Variants in PCDHA10 observed in about 807,000 individuals in gnomAD.
The protein encoded by PCDHA10 is protocadherin alpha 10, also known as protocadherin alpha-10.
Under a neutral mutation model 61.2 loss-of-function variants are expected in PCDHA10, and 45 were observed. The ratio of observed to expected loss-of-function variants is 0.74; its 90% CI spans 0.58 to 0.94. The LOEUF is 0.94. PCDHA10 is among the 40% of genes least tolerant of loss of function. The probability of loss-of-function intolerance (pLI) is 0.00; values close to 1 mark genes in which losing one functional copy is unlikely to be tolerated. For synonymous variants in PCDHA10, 602 were observed against 548.8 expected, an observed-to-expected ratio of 1.10 and a Z score of -1.35; for missense variants, 1,278 against 1,236.2, an observed-to-expected ratio of 1.03 and a Z score of -0.51.
At chr5:140,920,616 C>A (rs929240808) in intron 1 of PCDHA10, among the ~76,000 whole-genome samples, 1 of 152,012 alleles carries the variant, frequency 6.6e-6, no homozygotes, top group African/African-American at 2.4e-5. Flanking sequence ...GAGGCCGAGG[C>A]GGATGGATCA....
At chr5:140,971,682 T>C (rs782404162) in intron 1 of PCDHA10, among the ~76,000 whole-genome samples, 5 of 152,156 alleles carry the variant, frequency 3.3e-5, no homozygotes, top group Non-Finnish European at 4.4e-5. Flanking sequence ...AGTAAGGGAA[T>C]TTGTACTCAC....
chr5:140,862,840 C>A (rs1434718417), intron 1 of PCDHA10: 1 of 573,790 alleles, frequency 1.7e-6, no homozygotes, highest in Non-Finnish European at 3.3e-6. Flanking sequence ...CGCGGGCATG[C>A]CGCCTCTGAG....
chr5:140,856,856 G>A lies in PCDHA10; in HGVS notation c.808G>A (p.Glu270Lys). The A allele has an allele frequency of 6.3e-7, 1 of 1,594,396 alleles. No individual in the cohort carries two copies. Among genetic ancestry groups the A allele is most frequent in the Non-Finnish European group, 8.6e-7 (1 of 1,164,306 alleles). Reference protein sequence around the residue: ...VIRLNASDSDEGINKEMMYSF... With the variant: ...VIRLNASDSDKGINKEMMYSF... The stretch of plus-strand genomic sequence containing the variant: ...ACGGCTCAACGCTTCTGATTCGGAT[G>A]AAGGAATAAACAAGGAAATGATGTA... The change falls in exon 1 of 4, where the codon GAA (glutamate) becomes AAA (lysine). Residue 270 changes from glutamate (E) to lysine (K), a missense_variant. By Grantham distance (56) the Glu-to-Lys change is moderately conservative. Coordinates refer to ENST00000307360, the MANE Select transcript of PCDHA10 (RefSeq NM_018901.4).
At position 140,857,900 on chromosome 5, in the gene PCDHA10, C is replaced by A; in HGVS notation, c.1852C>A (p.Arg618Ser). The A allele has an allele frequency of 1.3e-6, 2 of 1,597,730 alleles. No homozygotes were observed. The highest frequency in any genetic ancestry group is 1.3e-5 in the African/African-American group (1 of 74,344). Reference sequence around the variant, plus strand: ...ATTGCAGTCGGCGGCGGTTGGTGCACGCATCCCGTTTCGCGTGGGGCTGTA... The same window carrying A: ...ATTGCAGTCGGCGGCGGTTGGTGCAAGCATCCCGTTTCGCGTGGGGCTGTA... ...YELQSAAVGARIPFRVGLYTG... is the reference protein window; with the variant it reads ...YELQSAAVGASIPFRVGLYTG... The change falls in exon 1 of 4, where the codon CGC (arginine) becomes AGC (serine). Residue 618 changes from arginine (R) to serine (S), a missense_variant. By Grantham distance (110) the Arg-to-Ser change is moderately radical. Coordinates refer to ENST00000307360, the MANE Select transcript of PCDHA10 (RefSeq NM_018901.4).
chr5:140,975,861 T>G (rs782026072), intron 1 of PCDHA10, among the ~76,000 whole-genome samples: 8 of 152,192 alleles, frequency 5.3e-5, no homozygotes, highest in Non-Finnish European at 8.8e-5. Flanking sequence ...ATCACCCATA[T>G]GGACTACCTA....
At chr5:140,926,979 G>A (rs782354889) in intron 1 of PCDHA10, 1 of 1,610,590 alleles carries the variant, frequency 6.2e-7, no homozygotes. Flanking sequence ...TGCCGGAGGA[G>A]ACGGAGCGGG....
At chr5:140,906,982 G>A (rs1298159889) in intron 1 of PCDHA10, among the ~76,000 whole-genome samples, 3 of 152,140 alleles carry the variant, frequency 2.0e-5, no homozygotes, top group African/African-American at 7.2e-5. Flanking sequence ...TCTTCTGGTG[G>A]CAGCATTCCT....
intron 1 of PCDHA10, among the ~76,000 whole-genome samples, chr5:140,914,884 CCTG>C (rs2153531970): frequency 6.6e-6 from 1 of 151,782 alleles, no homozygotes; most frequent in East Asian, 1.9e-4. Flanking sequence ...ACTGTATCCT[CCTG>C]CTTTTAACTT....
intron 1 of PCDHA10, chr5:140,882,849 T>A: frequency 1.2e-6 from 2 of 1,614,242 alleles, no homozygotes; most frequent in Non-Finnish European, 1.7e-6. Flanking sequence ...TCATTATCAC[T>A]TGTACTGAGG....
At chr5:140,967,371 A>C in intron 1 of PCDHA10, 1 of 1,607,094 alleles carries the variant, frequency 6.2e-7, no homozygotes, top group Non-Finnish European at 8.5e-7. Context: ...CCCCTGCAGG[A>C]GAACAGTAAA....
At chr5:140,982,679 C>A in intron 3 of PCDHA10, 116 bp downstream of exon 3, 2 of 1,436,546 alleles carry the variant, frequency 1.4e-6, no homozygotes, top group Non-Finnish European at 9.2e-7. Flanking sequence ...TTGTTATTCC[C>A]TTTTTTCCAT....
chr5:140,863,228 C>A, intron 1 of PCDHA10: 1 of 1,183,022 alleles, frequency 8.5e-7, no homozygotes, highest in Non-Finnish European at 1.2e-6. Flanking sequence ...AGGAAGGTCC[C>A]ATCGCGGGCT....
chr5:140,857,804 G>A lies in PCDHA10; in HGVS notation c.1756G>A (p.Ala586Thr). ...VSELVLRSVV[A>T]GHVVAKVRAV... ...TGAGCTGGTGCTGCGGTCGGTGGTT[G>A]CGGGTCACGTGGTGGCTAAGGTGCG... The change falls in exon 1 of 4, where the codon GCG becomes ACG. Residue 586 changes from alanine to threonine, a missense_variant. By Grantham distance (58) the Ala-to-Thr change is moderately conservative. Coordinates refer to ENST00000307360, the MANE Select transcript of PCDHA10 (RefSeq NM_018901.4). The A allele has an allele frequency of 6.3e-7, 1 of 1,597,858 alleles. No individual in the cohort carries two copies. Among genetic ancestry groups the A allele is most frequent in the Non-Finnish European group, 8.6e-7 (1 of 1,167,632 alleles).
intron 3 of PCDHA10, among the ~76,000 whole-genome samples, chr5:141,004,550 G>A (rs1554259606): frequency 6.6e-6 from 1 of 152,222 alleles, no homozygotes; most frequent in African/African-American, 2.4e-5. Flanking sequence ...TCCTTTAACT[G>A]TGCAAGATGA....
chr5:140,969,473 A>G (rs562575347), intron 1 of PCDHA10: 1 of 1,478,090 alleles, frequency 6.8e-7, no homozygotes, highest in Non-Finnish European at 9.0e-7. Flanking sequence ...CCACAATTTG[A>G]TCATAATCTG....
intron 1 of PCDHA10, among the ~76,000 whole-genome samples, chr5:140,904,056 G>A (rs1474308111): frequency 6.6e-6 from 1 of 151,944 alleles, no homozygotes; most frequent in Non-Finnish European, 1.5e-5. Context: ...TATTTCAATG[G>A]GTTTTTGGGG....
chr5:140,856,335 G>A lies in PCDHA10; in HGVS notation c.287G>A (p.Gly96Glu). 6.3e-7 allele frequency: 1 copy of A among 1,598,610 alleles called. No homozygotes were observed. Among genetic ancestry groups the A allele is most frequent in the Non-Finnish European group, 8.6e-7 (1 of 1,168,024 alleles). Reference protein sequence around the residue: ...NSRIDREELCGRSVECSIHLE... With the variant: ...NSRIDREELCERSVECSIHLE... The stretch of plus-strand genomic sequence containing the variant: ...CGGATTGACCGCGAGGAGCTGTGCG[G>A]GCGGAGCGTGGAGTGCAGCATCCAC... Residue 96 changes from glycine (G) to glutamate (E), a missense_variant, in exon 1 of 4, where the codon GGG becomes GAG. Coordinates refer to ENST00000307360, the MANE Select transcript of PCDHA10 (RefSeq NM_018901.4).
chr5:141,009,701 C>G lies in PCDHA10; in HGVS notation c.2611C>G (p.Pro871Ala). The G allele has an allele frequency of 6.2e-7, 1 of 1,614,036 alleles. No homozygotes were observed. Among genetic ancestry groups the G allele is most frequent in the South Asian group, 1.1e-5 (1 of 91,056 alleles). The change falls in exon 4 of 4, where the codon CCA (proline) becomes GCA (alanine). Residue 871 changes from proline to alanine, a missense_variant. Coordinates refer to ENST00000307360, the MANE Select transcript of PCDHA10 (RefSeq NM_018901.4). ...NSNSWTFKYG[P>A]GNPKQSGPGE... ...CAACAGCTGGACCTTTAAATACGGA[C>G]CAGGCAACCCCAAACAATCCGGTCC...
chr5:140,922,953 G>A (rs2081086867), intron 1 of PCDHA10, among the ~76,000 whole-genome samples: 1 of 152,168 alleles, frequency 6.6e-6, no homozygotes, highest in Non-Finnish European at 1.5e-5. Context: ...AATCCAGTTT[G>A]TCTTCAGCCA....
Sources: allele counts gnomAD v4.1 joint callset (sites outside exome capture counted in the v4.1 genomes callset), GRCh38; gene constraint gnomAD v4.1.1; transcripts MANE v1.5; gene names NCBI Gene and HGNC (gene_info 2026-07-23, HGNC 2026-07-21).